The following ARHGAP29 variants were observed in gnomAD, a reference collection of about 807,000 sequenced individuals.
ARHGAP29 encodes Rho GTPase activating protein 29.
A neutral mutation model predicts 122.6 loss-of-function variants in ARHGAP29; 43 were observed. The observed-to-expected ratio is 0.35, with a 90% confidence interval of 0.27 to 0.45. The LOEUF (loss-of-function observed/expected upper bound fraction) is 0.45. ARHGAP29 is among the 20% of genes least tolerant of loss of function. The probability of loss-of-function intolerance (pLI) is 1.00; values close to 1 mark genes in which losing one functional copy is unlikely to be tolerated. For synonymous variants in ARHGAP29, 506 were observed against 497.1 expected (o/e 1.02, Z -0.24); for missense variants, 1,303 against 1,477.2 (o/e 0.88, Z 1.93).
At chr1:94,243,165 A>T (rs966493781) in intron 1 of ARHGAP29, among the ~76,000 whole-genome samples, 1 of 152,146 alleles carries the variant, frequency 6.6e-6, no homozygotes, top group Admixed American at 6.5e-5. Context: ...ATCATTAAGG[A>T]CATAGAATAC....
At chr1:94,282,291 ATTTATTT>A in the ARHGAP29 span, among the ~76,000 whole-genome samples, 2 of 148,502 alleles carry the variant, frequency 1.3e-5, no homozygotes, top group Non-Finnish European at 1.5e-5. Flanking sequence ...TTATTTATTT[ATTTATTT>A]ATTTTTGAGA....
chr1:94,267,695 C>T (rs991502657), intron 1 of ARHGAP29, among the ~76,000 whole-genome samples: 4 of 152,172 alleles, frequency 2.6e-5, no homozygotes. Context: ...GAATCGTATC[C>T]TGACCTGGCC....
the ARHGAP29 span, among the ~76,000 whole-genome samples, chr1:94,293,561 G>A: frequency 2.2e-4 from 34 of 152,230 alleles, no homozygotes; most frequent in African/African-American, 7.5e-4. Context: ...CGTCTTCTGC[G>A]TCAATCTCAC....
At chr1:94,179,550 G>C (rs1649316006) in intron 20 of ARHGAP29, among the ~76,000 whole-genome samples, 175 bp downstream of exon 20, 1 of 131,856 alleles carries the variant, frequency 7.6e-6, no homozygotes, top group African/African-American at 2.9e-5. Context: ...CCGAGATTGT[G>C]CTGCTGCACC....
intron 12 of ARHGAP29, chr1:94,191,160 C>G (rs374117724): frequency 6.6e-6 from 1 of 152,164 alleles, no homozygotes; most frequent in Non-Finnish European, 1.5e-5. Flanking sequence ...AAGTAGTCAT[C>G]TGAACTATGG....
chr1:94,184,454 A>G (rs1353578911), intron 18 of ARHGAP29, among the ~76,000 whole-genome samples, 166 bp from the exon 19 acceptor site: 1 of 152,202 alleles, frequency 6.6e-6, no homozygotes, highest in East Asian at 1.9e-4. Context: ...TTTCCTATAG[A>G]AATCTGAAAA....
intron 1 of ARHGAP29, 91 bp downstream of exon 1, chr1:94,237,324 T>C: frequency 1.1e-6 from 1 of 900,946 alleles, no homozygotes; most frequent in East Asian, 1.2e-4. Context: ...TCCCGGACCC[T>C]GGACGGCAAT....
chr1:94,181,367 CAG>C (rs973625179), intron 19 of ARHGAP29, among the ~76,000 whole-genome samples: 2 of 152,186 alleles, frequency 1.3e-5, no homozygotes, highest in African/African-American at 4.8e-5. Flanking sequence ...CAGTATAAAA[CAG>C]AGAGTCTCTG....
chr1:94,259,691 A>G (rs540503959), intron 1 of ARHGAP29, among the ~76,000 whole-genome samples: 1 of 152,368 alleles, frequency 6.6e-6, no homozygotes, highest in African/African-American at 2.4e-5. Flanking sequence ...TCTAGGGACT[A>G]CAGAGGCAGC....
intron 1 of ARHGAP29, among the ~76,000 whole-genome samples, chr1:94,235,928 C>G (rs1174429324): frequency 6.6e-6 from 1 of 152,178 alleles, no homozygotes; most frequent in Admixed American, 6.5e-5. Flanking sequence ...GCAGTAGTTT[C>G]ATTTTAGGCT....
the ARHGAP29 span, among the ~76,000 whole-genome samples, chr1:94,309,875 G>C: frequency 6.6e-6 from 1 of 151,984 alleles, no homozygotes; most frequent in African/African-American, 2.4e-5. Context: ...ATGTTCTTTG[G>C]GTCCTATGCT....
chr1:94,200,447 G>A (rs1416632364), intron 12 of ARHGAP29, among the ~76,000 whole-genome samples: 1 of 152,172 alleles, frequency 6.6e-6, no homozygotes, highest in African/African-American at 2.4e-5. Flanking sequence ...CTGCTGGTTA[G>A]AATGAAAAAT....
chr1:94,256,536 C>CTTTT lies in ARHGAP29; in HGVS notation c.-33+18472_-33+18475dup, dbSNP rs530295333. ...CAGAAATAGATTTAACAGTACTAAT[C>CTTTT]TTTTTTTTTTTTTTTTTTTTTTTTT... On this transcript the variant is annotated intron_variant and NMD_transcript_variant, in intron 1 of 25. Coordinates refer to the ARHGAP29 transcript ENST00000552844. Among the ~76,000 whole-genome samples, 35 of 45,330 alleles carry CTTTT rather than the reference C, an allele frequency of 7.7e-4. 10 individuals are homozygous for CTTTT. Among genetic ancestry groups the CTTTT allele is most frequent in the South Asian group, 3.2e-3 (3 of 926 alleles). 29.7% of individuals were successfully genotyped at this position (45,330 alleles called of 152,430 possible).
At chr1:94,249,306 T>A (rs1382183375) in intron 1 of ARHGAP29, 1 of 152,258 alleles carries the variant, frequency 6.6e-6, no homozygotes, top group Admixed American at 6.5e-5. Context: ...GCATTAATAA[T>A]GAAGCATGTA....
In ARHGAP29 at chr1:94,169,620, G is replaced by C. The variant is rs1031054969; in HGVS notation, c.*4249C>G. Among the ~76,000 whole-genome samples, 1 of 152,188 alleles carries C rather than the reference G, an allele frequency of 6.6e-6. No homozygotes were observed. The highest frequency in any genetic ancestry group is 2.4e-5 in the African/African-American group (1 of 41,446). On this transcript the variant is annotated 3_prime_UTR_variant, in exon 23 of 23. Transcript: ENST00000260526. ...GATATAGAAGTAGGTGACTATTCTT[G>C]AATGTGTGTAGACACACGTTTTCCT...
intron 5 of ARHGAP29, among the ~76,000 whole-genome samples, chr1:94,207,276 G>A (rs954890239): frequency 3.3e-5 from 5 of 151,950 alleles, no homozygotes; most frequent in East Asian, 1.9e-4. Context: ...CCCAAAGTAC[G>A]AGATTACAGG....
upstream of ARHGAP29, among the ~76,000 whole-genome samples, chr1:94,276,163 C>G (rs1393516938): frequency 6.6e-6 from 1 of 151,766 alleles, no homozygotes; most frequent in Non-Finnish European, 1.5e-5. Flanking sequence ...GAAGATGAGG[C>G]ACGAGAATCA....
chr1:94,256,536 C>CTTTTTTTTTTTTTTTTTTTTT lies in ARHGAP29; in HGVS notation c.-33+18455_-33+18475dup, dbSNP rs530295333. Among the ~76,000 whole-genome samples the CTTTTTTTTTTTTTTTTTTTTT allele has an allele frequency of 1.3e-4, 6 of 45,330 alleles. 1 individual carries two copies. The highest frequency in any genetic ancestry group is 2.2e-3 in the South Asian group (2 of 926). 29.7% of individuals were successfully genotyped at this position (45,330 alleles called of 152,430 possible). On this transcript the variant is annotated intron_variant and NMD_transcript_variant, in intron 1 of 25. Transcript: ENST00000552844. ...CAGAAATAGATTTAACAGTACTAAT[C>CTTTTTTTTTTTTTTTTTTTTT]TTTTTTTTTTTTTTTTTTTTTTTTT...
chr1:94,232,955 G>A (rs1308386423), intron 1 of ARHGAP29, among the ~76,000 whole-genome samples: 2 of 150,112 alleles, frequency 1.3e-5, no homozygotes, highest in Non-Finnish European at 3.0e-5. Context: ...TTGGAGGGGG[G>A]AAGGGTTGAG....
Sources: gnomAD v4.1 joint callset for allele counts (sites outside exome capture counted in the v4.1 genomes callset) on GRCh38, gnomAD v4.1.1 for gene constraint, MANE v1.5 for transcripts, NCBI Gene and HGNC (gene_info 2026-07-23, HGNC 2026-07-21) for gene names.